UNC93B1: variants seen among roughly 807,000 people sequenced by gnomAD.
The protein encoded by UNC93B1 is protein unc-93 homolog B1.
UNC93B1 carries 33 observed loss-of-function variants against 56.8 expected under a neutral mutation model. That is an observed-to-expected ratio of 0.58 (90% CI 0.44 to 0.78). The LOEUF (loss-of-function observed/expected upper bound fraction) is 0.78, where lower values mean the gene tolerates loss of function less well. Among genes scored for constraint, UNC93B1 ranks in the 30% least tolerant of loss-of-function variants. The pLI, the probability that UNC93B1 is intolerant of heterozygous loss-of-function variation, is 0.00. For synonymous variants in UNC93B1, 334 were observed against 358.6 expected, an observed-to-expected ratio of 0.93 and a Z score of 0.77; for missense variants, 673 against 819.5, an observed-to-expected ratio of 0.82 and a Z score of 2.18.
Position 67,999,231 on chromosome 11 carries a change from C to G in UNC93B1, c.629G>C (p.Arg210Pro). Residue 210 changes from arginine (R) to proline (P), a missense_variant, in exon 5 of 11, where the codon CGG becomes CCG. This residue lies in a region of UNC93B1 where 438 missense variants were observed against 465.9 expected (regional missense o/e 0.94). Coordinates refer to ENST00000227471, the MANE Select transcript of UNC93B1 (RefSeq NM_030930.4). The part of the protein sequence containing the change: ...DGQGMKQRPP[R>P]GSHAPYLLVF... Reference sequence around the variant, plus strand: ...CAGGAGATAGGGCGCGTGGGAGCCCCGCGGAGGCCGCTGCTTCATCCCCTG... The same window carrying G: ...CAGGAGATAGGGCGCGTGGGAGCCCGGCGGAGGCCGCTGCTTCATCCCCTG... The G allele has an allele frequency of 6.2e-7, 1 of 1,613,540 alleles. No homozygotes were observed. Among genetic ancestry groups the G allele is most frequent in the Non-Finnish European group, 8.5e-7 (1 of 1,179,886 alleles).
At chr11:68,001,429 G>A (rs1239081727) in intron 3 of UNC93B1, among the ~76,000 whole-genome samples, 2 of 152,056 alleles carry the variant, frequency 1.3e-5, no homozygotes, top group Non-Finnish European at 2.9e-5. Flanking sequence ...ACTTTGTGGG[G>A]CTGGGGCGGG....
intron 6 of UNC93B1, 84 bp from the exon 7 acceptor site, chr11:67,997,883 C>T: frequency 6.5e-7 from 1 of 1,546,642 alleles, no homozygotes; most frequent in African/African-American, 1.4e-5. Flanking sequence ...CCACGCAGGC[C>T]GCGGAGGAGC....
At chr11:67,995,458 G>A (rs1356415992) in intron 9 of UNC93B1, among the ~76,000 whole-genome samples, 153 bp downstream of exon 9, 1 of 151,316 alleles carries the variant, frequency 6.6e-6, no homozygotes, top group Non-Finnish European at 1.5e-5. Flanking sequence ...TCCACAGGAA[G>A]CCCCACCTGC....
intron 7 of UNC93B1, 88 bp downstream of exon 7, chr11:67,997,587 C>G: frequency 6.3e-7 from 1 of 1,578,054 alleles, no homozygotes; most frequent in Non-Finnish European, 8.6e-7. Flanking sequence ...CCAGGCCATG[C>G]CATCCGATCC....
At chr11:67,993,558 G>A in intron 10 of UNC93B1, 118 bp downstream of exon 10, 1 of 701,088 alleles carries the variant, frequency 1.4e-6, no homozygotes, top group Admixed American at 2.0e-5. Flanking sequence ...CAGGAATGGG[G>A]CCTTGGCCCA....
chr11:68,003,731 C>A lies in UNC93B1; in HGVS notation c.164G>T (p.Arg55Leu), dbSNP rs1382900360. The A allele has an allele frequency of 7.2e-6, 11 of 1,526,466 alleles. No homozygotes were observed. Among genetic ancestry groups the A allele is most frequent in the Non-Finnish European group, 9.6e-6 (11 of 1,142,514 alleles). 94.6% of individuals were successfully genotyped at this position (1,526,466 alleles called of 1,614,324 possible). Reference sequence around the variant, plus strand: ...GTTCTTGAGCACGCCCAGGCGCTTGCGGCGGTAGTAGCGGCGCTCCTCCTC... The same window carrying A: ...GTTCTTGAGCACGCCCAGGCGCTTGAGGCGGTAGTAGCGGCGCTCCTCCTC... ...EEEEERRYYR[R>L]KRLGVLKNVL... Residue 55 changes from arginine to leucine, a missense_variant, in exon 2 of 11, where the codon CGC (arginine) becomes CTC (leucine). Arg to Leu is a moderately radical substitution (Grantham distance 102). Transcript: ENST00000227471. This position sits in a 1 kb window ranked among gnomAD's most constrained non-coding sequence, Gnocchi z 4.4.
In UNC93B1 at chr11:68,003,763, G is replaced by C. The variant is rs1485298269; in HGVS notation, c.132C>G (p.Asn44Lys). The change falls in exon 2 of 11, where the codon AAC becomes AAG. Residue 44 changes from asparagine to lysine, a missense_variant. Asn to Lys is a moderately conservative substitution (Grantham distance 94). Coordinates refer to ENST00000227471, the MANE Select transcript of UNC93B1 (RefSeq NM_030930.4). This position sits in a 1 kb window ranked among gnomAD's most constrained non-coding sequence, Gnocchi z 4.4. Reference sequence around the variant, plus strand: ...AGTAGCGGCGCTCCTCCTCCTCCTCGTTGTAGTTGGGGTACGCGCCCACCA... The same window carrying C: ...AGTAGCGGCGCTCCTCCTCCTCCTCCTTGTAGTTGGGGTACGCGCCCACCA... ...DELVGAYPNY[N>K]EEEEERRYYR... 1.3e-6 allele frequency: 2 copies of C among 1,520,012 alleles called. No homozygotes were observed. The highest frequency in any genetic ancestry group is 1.4e-5 in the African/African-American group (1 of 70,302). The allele number at this position is 1,520,012 out of a possible 1,614,324, so 94.2% of individuals were successfully genotyped here.
At chr11:67,994,738 C>CA (rs1222946699) in intron 9 of UNC93B1, among the ~76,000 whole-genome samples, 1 of 152,208 alleles carries the variant, frequency 6.6e-6, no homozygotes, top group Non-Finnish European at 1.5e-5. Context: ...CTGCTACAGA[C>CA]AGAGACACAG....
rs767929114 is a variant in UNC93B1 at position 67,996,749 on chromosome 11, C to G, written c.942G>C (p.Thr314=). Residue 314 remains threonine, a synonymous_variant, in exon 8 of 11, where the codon ACG becomes ACC. Transcript: ENST00000227471. ...CCACGCTGCGCAGATCGATCTCCTC[C>G]GTGGGCCGGTAAGCGGCTCCGCACA... The part of the protein sequence containing the change: ...LGLCGAAYRP[T]EEIDLRSVGW... 2 of 1,562,272 alleles carry G rather than the reference C, an allele frequency of 1.3e-6. No homozygotes were observed. Among genetic ancestry groups the G allele is most frequent in the Non-Finnish European group, 1.7e-6 (2 of 1,152,984 alleles).
chr11:67,995,718 A>G lies in UNC93B1; in HGVS notation c.1256T>C (p.Leu419Pro), dbSNP rs1856932136. 9 of 1,548,550 alleles carry G rather than the reference A, an allele frequency of 5.8e-6. No individual in the cohort carries two copies. The highest frequency in any genetic ancestry group is 2.4e-5 in the South Asian group (2 of 83,968). Residue 419 changes from leucine to proline, a missense_variant, in exon 9 of 11, where the codon CTC becomes CCC. Leu to Pro is a moderately conservative substitution (Grantham distance 98, BLOSUM62 -3). Transcript: ENST00000227471. The part of the protein sequence containing the change: ...AGVHLLLTFI[L>P]FFWAPVPRVL... ...CCGAGGCACAGGGGCCCAGAAAAAGAGGATGAAGGTGAGCAGCAGGTGCAC... is the reference window on the plus strand; with the variant it reads ...CCGAGGCACAGGGGCCCAGAAAAAGGGGATGAAGGTGAGCAGCAGGTGCAC...
At chr11:67,998,297 G>A in intron 6 of UNC93B1, 62 bp downstream of exon 6, 2 of 1,582,444 alleles carry the variant, frequency 1.3e-6, no homozygotes, top group Non-Finnish European at 1.7e-6. Flanking sequence ...TGAGGGCCCA[G>A]TGTCTGCTGG....
rs1251067819 is a variant in UNC93B1 at position 67,995,875 on chromosome 11, C to G, written c.1099G>C (p.Val367Leu). ...AGCCGCTCCAGCCCCACCGAGCACACGCCATAGCCCTGCGGGGGGACAAGG... is the reference window on the plus strand; with the variant it reads ...AGCCGCTCCAGCCCCACCGAGCACAGGCCATAGCCCTGCGGGGGGACAAGG... ...ACTGIALGYG[V>L]CSVGLERLAY... Residue 367 changes from valine (V) to leucine (L), a missense_variant, in exon 9 of 11, where the codon GTG becomes CTG. This residue lies in a region of UNC93B1 where 155 missense variants were observed against 268.3 expected (regional missense o/e 0.58). Coordinates refer to ENST00000227471, the MANE Select transcript of UNC93B1 (RefSeq NM_030930.4). 3 of 1,515,740 alleles carry G rather than the reference C, an allele frequency of 2.0e-6. No individual in the cohort carries two copies. The highest frequency in any genetic ancestry group is 1.4e-5 in the African/African-American group (1 of 72,240). 93.9% of individuals were successfully genotyped at this position (1,515,740 alleles called of 1,614,324 possible).
rs1250192397 is a variant in UNC93B1, at chr11:67,991,348, A to G, written c.*198T>C. On this transcript the variant is annotated 3_prime_UTR_variant, in exon 11 of 11. Transcript: ENST00000227471. The stretch of plus-strand genomic sequence containing the variant: ...CCCTGTGCTTGGCCGAGGGGTTCCC[A>G]AGGCTCCACTCCGCCTTGGAGGGGG... The G allele has an allele frequency of 7.9e-6, 4 of 508,738 alleles. No individual in the cohort carries two copies. The highest frequency in any genetic ancestry group is 5.1e-4 in the Middle Eastern group (1 of 1,958). The allele number at this position is 508,738 out of a possible 1,614,324, so 31.5% of individuals were successfully genotyped here. A position where few individuals can be genotyped will look rare whatever the true frequency, so the allele number is the denominator to read the frequency against.
At chr11:67,994,593 A>G (rs542545102) in intron 9 of UNC93B1, among the ~76,000 whole-genome samples, 1 of 152,250 alleles carries the variant, frequency 6.6e-6, no homozygotes, top group African/African-American at 2.4e-5. Flanking sequence ...TGGGATATGG[A>G]GCTGGGCAGA....
chr11:67,999,373 G>A lies in UNC93B1; in HGVS notation c.555-68C>T, dbSNP rs1446713039. The A allele has an allele frequency of 1.9e-6, 3 of 1,560,690 alleles. No individual in the cohort carries two copies. The African/African-American group carries it at 4.1e-5, about 21-fold the overall frequency. Reference sequence around the variant, plus strand: ...GCCACTCCTGTGTGTCCTGCACCCAGAGCTAGGAGCAGACCAGCCCCGGTG... The same window carrying A: ...GCCACTCCTGTGTGTCCTGCACCCAAAGCTAGGAGCAGACCAGCCCCGGTG... On this transcript the variant is annotated intron_variant, in intron 4 of 10. Transcript: ENST00000227471.
intron 7 of UNC93B1, 100 bp from the exon 8 acceptor site, chr11:67,996,884 C>T: frequency 7.3e-7 from 1 of 1,367,130 alleles, no homozygotes; most frequent in Non-Finnish European, 9.6e-7. Flanking sequence ...GGGCCTTGCC[C>T]CAGCTCGGCC....
chr11:67,997,556 GC>G (rs1856969276), intron 7 of UNC93B1, 118 bp downstream of exon 7: 2 of 1,525,778 alleles, frequency 1.3e-6, no homozygotes, highest in Admixed American at 3.6e-5. Context: ...CCTACGGCCT[GC>G]CCCGAGGCCA....
chr11:68,003,463 G>A lies in UNC93B1; in HGVS notation c.238+194C>T. 1.1e-6 allele frequency: 1 copy of A among 923,590 alleles called. No individual in the cohort carries two copies. The highest frequency in any genetic ancestry group is 1.9e-5 in the South Asian group (1 of 52,140). 57.2% of individuals were successfully genotyped at this position (923,590 alleles called of 1,614,324 possible). The stretch of plus-strand genomic sequence containing the variant: ...ACCCCCGTCCCCCACCCACACCGAG[G>A]CTCTGGCTGGGACCCGGGGACGCTG... On this transcript the variant is annotated intron_variant, in intron 2 of 10. Transcript: ENST00000227471. The surrounding 1 kb of genome is among the most constrained non-coding windows in gnomAD (Gnocchi z 4.4).
chr11:68,000,058 G>T (rs1857021468), intron 3 of UNC93B1, among the ~76,000 whole-genome samples: 1 of 152,212 alleles, frequency 6.6e-6, no homozygotes, highest in Non-Finnish European at 1.5e-5. Flanking sequence ...ACTCAGGCTG[G>T]GAGAAGAGAA....
Sources: gnomAD v4.1 joint callset for allele counts (sites outside exome capture counted in the v4.1 genomes callset) on GRCh38, gnomAD v4.1.1 for gene constraint, gnomAD v4.1.1 regional missense constraint, Gnocchi (gnomAD v3.1) non-coding constraint, MANE v1.5 for transcripts, NCBI Gene and HGNC (gene_info 2026-07-23, HGNC 2026-07-21) for gene names.